PACRG: variants seen among roughly 807,000 people sequenced by gnomAD.
The protein encoded by PACRG is parkin coregulated.
In PACRG, 29 loss-of-function variants were observed where a neutral mutation model predicts 29.7. The ratio of observed to expected loss-of-function variants is 0.98; its 90% confidence interval spans 0.73 to 1.33. The LOEUF (loss-of-function observed/expected upper bound fraction) is 1.33, where lower values mean the gene tolerates loss of function less well. Among genes scored for constraint, PACRG ranks in the 40% most tolerant of loss-of-function variants. The pLI, the probability that PACRG is intolerant of heterozygous loss-of-function variation, is 0.00. For synonymous variants in PACRG, 116 were observed against 118.7 expected (o/e 0.98, Z 0.15); for missense variants, 279 against 316.2 (o/e 0.88, Z 0.89).
At chr6:163,125,075 G>A (rs1449241932) in intron 4 of PACRG, among the ~76,000 whole-genome samples, 1 of 152,130 alleles carries the variant, frequency 6.6e-6, no homozygotes, top group Admixed American at 6.6e-5. Context: ...AAACAGTAGA[G>A]CGTTCAGAAA....
intron 4 of PACRG, among the ~76,000 whole-genome samples, chr6:163,260,655 T>C (rs1371392787): frequency 6.6e-6 from 1 of 152,184 alleles, no homozygotes; most frequent in African/African-American, 2.4e-5. Context: ...AGGGAAAGAA[T>C]ACTGCTGGGA....
At chr6:162,973,162 A>G (rs781512819) in intron 2 of PACRG, among the ~76,000 whole-genome samples, 64 of 152,222 alleles carry the variant, frequency 4.2e-4, no homozygotes, top group Non-Finnish European at 7.5e-4. Context: ...AGTGGGACTT[A>G]GTTGAAACAC....
At chr6:162,731,300 C>G (rs1357725583) in intron 1 of PACRG, among the ~76,000 whole-genome samples, 3 of 152,038 alleles carry the variant, frequency 2.0e-5, no homozygotes, top group Non-Finnish European at 2.9e-5. Flanking sequence ...CAGATATAGT[C>G]AGCTCTTTGT....
intron 4 of PACRG, among the ~76,000 whole-genome samples, chr6:163,150,145 G>C (rs1259322105): frequency 1.3e-5 from 2 of 152,162 alleles, no homozygotes; most frequent in Non-Finnish European, 2.9e-5. Flanking sequence ...AGGCTGTGGA[G>C]GTCTGCCACC....
intron 4 of PACRG, among the ~76,000 whole-genome samples, chr6:163,295,269 G>A (rs559753395): frequency 3.9e-5 from 6 of 152,190 alleles, no homozygotes; most frequent in Admixed American, 1.3e-4. Flanking sequence ...AAAATGACAC[G>A]GACCAAAAAG....
intron 2 of PACRG, among the ~76,000 whole-genome samples, chr6:162,839,483 C>G (rs1359670473): frequency 6.7e-6 from 1 of 149,086 alleles, no homozygotes; most frequent in African/African-American, 2.5e-5. Flanking sequence ...ATTGTAGATT[C>G]TGGATATTAG....
chr6:163,309,728 A>C (rs572042075), intron 4 of PACRG, among the ~76,000 whole-genome samples: 3 of 152,258 alleles, frequency 2.0e-5, no homozygotes, highest in African/African-American at 4.8e-5. Context: ...CAGGCATCTC[A>C]GGCAGGAGAG....
chr6:163,092,846 A>G (rs1814235660), intron 4 of PACRG, among the ~76,000 whole-genome samples: 1 of 152,202 alleles, frequency 6.6e-6, no homozygotes, highest in Non-Finnish European at 1.5e-5. Context: ...GAAGAATATC[A>G]TGCTCTATGA....
intron 4 of PACRG, chr6:163,101,280 A>G: frequency 1.0e-6 from 1 of 982,426 alleles, no homozygotes; most frequent in Non-Finnish European, 1.2e-6. Context: ...GGCCATAATG[A>G]CAGGATTATT....
chr6:163,226,404 C>G (rs550013467), intron 4 of PACRG, among the ~76,000 whole-genome samples: 19 of 152,352 alleles, frequency 1.2e-4, no homozygotes, highest in Non-Finnish European at 2.4e-4. Context: ...TGCTAATAAG[C>G]TTGATGTAAT....
At chr6:163,268,673 T>A (rs1783627420) in intron 4 of PACRG, among the ~76,000 whole-genome samples, 1 of 152,224 alleles carries the variant, frequency 6.6e-6, no homozygotes, top group Non-Finnish European at 1.5e-5. Flanking sequence ...ATTTGCTGAT[T>A]TCATTCTGAA....
chr6:163,249,768 G>A (rs988811651), intron 4 of PACRG, among the ~76,000 whole-genome samples: 3 of 152,226 alleles, frequency 2.0e-5, no homozygotes, highest in Non-Finnish European at 4.4e-5. Flanking sequence ...ACCCGGCTCC[G>A]TGGTGACCGG....
chr6:163,073,218 A>C (rs927468707), intron 3 of PACRG, among the ~76,000 whole-genome samples: 1 of 152,132 alleles, frequency 6.6e-6, no homozygotes, highest in Admixed American at 6.6e-5. Context: ...ACATTATGGC[A>C]TAAAAAACAG....
intron 4 of PACRG, among the ~76,000 whole-genome samples, chr6:163,094,281 G>A (rs73786958): frequency 0.026 from 3,911 of 152,264 alleles, 178 homozygotes; most frequent in African/African-American, 0.089. Flanking sequence ...GAACAATTCT[G>A]CGTTCATGAT....
chr6:162,963,775 T>C (rs4709663), intron 2 of PACRG, among the ~76,000 whole-genome samples: 6 of 151,662 alleles, frequency 4.0e-5, no homozygotes, highest in East Asian at 1.9e-4. Flanking sequence ...TATCAGGAGG[T>C]TGTTCAGTAT....
At chr6:163,217,471 C>T (rs565008295) in intron 4 of PACRG, among the ~76,000 whole-genome samples, 5 of 152,292 alleles carry the variant, frequency 3.3e-5, no homozygotes, top group Admixed American at 6.5e-5. Context: ...AACCTTTGAT[C>T]ATGATTCTCA....
At chr6:162,809,895 G>C (rs1786687361) in intron 1 of PACRG, among the ~76,000 whole-genome samples, 1 of 152,114 alleles carries the variant, frequency 6.6e-6, no homozygotes. Flanking sequence ...TAGTAAAGAG[G>C]CCCCAACATC....
intron 2 of PACRG, among the ~76,000 whole-genome samples, chr6:162,941,966 C>T (rs1219062071): frequency 2.0e-5 from 3 of 152,194 alleles, no homozygotes; most frequent in Non-Finnish European, 4.4e-5. Flanking sequence ...TCCACTCACC[C>T]TCTCACTAGC....
intron 1 of PACRG, among the ~76,000 whole-genome samples, chr6:162,752,384 G>C (rs1167131002): frequency 6.6e-6 from 1 of 152,110 alleles, no homozygotes; most frequent in African/African-American, 2.4e-5. Context: ...GGCAAGAGTT[G>C]GGGGAGTTAG....
Sources: gnomAD v4.1 joint callset for allele counts (sites outside exome capture counted in the v4.1 genomes callset) on GRCh38, gnomAD v4.1.1 for gene constraint, MANE v1.5 for transcripts, NCBI Gene and HGNC (gene_info 2026-07-23, HGNC 2026-07-21) for gene names.